The following SAMD5 variants were observed in gnomAD, a reference collection of about 807,000 sequenced individuals.
SAMD5 encodes sterile alpha motif domain containing 5.
SAMD5 carries 13 observed loss-of-function variants against 11.3 expected under a neutral mutation model. The observed-to-expected ratio is 1.15, with a 90% confidence interval of 0.75 to 1.83. The LOEUF is 1.83. Ranked by LOEUF, SAMD5 falls within the 40% of genes most tolerant of loss-of-function variation. The probability of loss-of-function intolerance (pLI) is 0.00; values close to 1 mark genes in which losing one functional copy is unlikely to be tolerated. For missense variants in SAMD5, 255 were observed against 239.1 expected, an observed-to-expected ratio of 1.07 and a Z score of -0.44; for synonymous variants, 129 against 111.3, an observed-to-expected ratio of 1.16 and a Z score of -1.00.
intron 1 of SAMD5, among the ~76,000 whole-genome samples, chr6:147,693,430 T>C (rs1033343876): frequency 6.6e-6 from 1 of 152,222 alleles, no homozygotes; most frequent in Non-Finnish European, 1.5e-5. Flanking sequence ...TAAGGCCGTA[T>C]GCTGCAGAGC....
chr6:147,582,935 T>A (rs1490669386), intron 1 of SAMD5, among the ~76,000 whole-genome samples: 1 of 152,188 alleles, frequency 6.6e-6, no homozygotes, highest in Non-Finnish European at 1.5e-5. Flanking sequence ...ACGTGACCTT[T>A]GCAGGTCCTA....
chr6:147,756,450 C>T, the SAMD5 span, among the ~76,000 whole-genome samples: 4 of 152,118 alleles, frequency 2.6e-5, no homozygotes, highest in South Asian at 2.1e-4. Context: ...ATTTTAAAAA[C>T]GTTTAAAAAG....
the SAMD5 span, among the ~76,000 whole-genome samples, chr6:147,795,527 C>T: frequency 1.6e-4 from 24 of 150,292 alleles, no homozygotes; most frequent in South Asian, 2.1e-4. Flanking sequence ...AATAAACATA[C>T]GTGTGCATGT....
chr6:147,594,085 C>T (rs141983371), intron 1 of SAMD5, among the ~76,000 whole-genome samples: 36 of 151,914 alleles, frequency 2.4e-4, no homozygotes, highest in African/African-American at 8.4e-4. Context: ...GCTGAGATCG[C>T]GCCACTGCAC....
At chr6:147,746,985 A>G in the SAMD5 span, among the ~76,000 whole-genome samples, 1 of 152,204 alleles carries the variant, frequency 6.6e-6, no homozygotes, top group East Asian at 1.9e-4. Context: ...ACCCGTGAGG[A>G]CCATGTTCAG....
At chr6:147,907,292 T>C in the SAMD5 span, among the ~76,000 whole-genome samples, 1 of 152,172 alleles carries the variant, frequency 6.6e-6, no homozygotes, top group Non-Finnish European at 1.5e-5. Flanking sequence ...TGTGACAAAA[T>C]CACACAGCAA....
At chr6:147,652,827 T>C (rs1790510166) in intron 1 of SAMD5, among the ~76,000 whole-genome samples, 1 of 152,220 alleles carries the variant, frequency 6.6e-6, no homozygotes, top group Non-Finnish European at 1.5e-5. Context: ...TCAGCATTAA[T>C]GTACTATTTA....
chr6:147,610,869 G>T (rs1050985073), intron 1 of SAMD5, among the ~76,000 whole-genome samples: 3 of 113,498 alleles, frequency 2.6e-5, no homozygotes, highest in Non-Finnish European at 5.3e-5. Flanking sequence ...ATAAAAGCCA[G>T]AATTTTTTTT....
In SAMD5 at chr6:147,734,711, T is replaced by TAAAAA. The variant is rs61482319; in HGVS notation, c.163-2579_163-2575dup. On this transcript the variant is annotated intron_variant, in intron 1 of 1. Transcript: ENST00000566741. The stretch of plus-strand genomic sequence containing the variant: ...CTGGGCGGCAGAGCGAGACTCCATC[T>TAAAAA]AAAAAAAAAAAAAAAAAAAAAAAAA... Among the ~76,000 whole-genome samples, 146 of 26,120 alleles carry TAAAAA rather than the reference T, an allele frequency of 5.6e-3. 22 individuals carry two copies. The highest frequency in any genetic ancestry group is 9.0e-3 in the Non-Finnish European group (95 of 10,614). 17.1% of individuals were successfully genotyped at this position (26,120 alleles called of 152,430 possible).
At chr6:147,745,427 G>C in the SAMD5 span, among the ~76,000 whole-genome samples, 1 of 152,210 alleles carries the variant, frequency 6.6e-6, no homozygotes, top group Admixed American at 6.5e-5. Context: ...GAGTGCTTTA[G>C]ATGAATTGTC....
the SAMD5 span, among the ~76,000 whole-genome samples, chr6:147,823,877 T>C: frequency 6.6e-6 from 1 of 152,248 alleles, no homozygotes; most frequent in South Asian, 2.1e-4. Flanking sequence ...GTATACTTTT[T>C]ACATACCTCA....
intron 1 of SAMD5, among the ~76,000 whole-genome samples, chr6:147,643,068 T>C (rs1419367164): frequency 3.3e-5 from 5 of 152,230 alleles, no homozygotes; most frequent in African/African-American, 1.2e-4. Flanking sequence ...TGGTGAGGAA[T>C]ACTTCAGCTG....
chr6:147,793,841 A>G, the SAMD5 span, among the ~76,000 whole-genome samples: 1 of 152,174 alleles, frequency 6.6e-6, no homozygotes, highest in South Asian at 2.1e-4. Flanking sequence ...AAATCTTGAA[A>G]TTGGATAGTG....
chr6:147,883,088 A>T, the SAMD5 span, among the ~76,000 whole-genome samples: 1 of 152,136 alleles, frequency 6.6e-6, no homozygotes, highest in Non-Finnish European at 1.5e-5. Context: ...TTACATGTAA[A>T]TGTTTTTACT....
At chr6:147,916,597 G>A in the SAMD5 span, among the ~76,000 whole-genome samples, 1 of 152,058 alleles carries the variant, frequency 6.6e-6, no homozygotes, top group South Asian at 2.1e-4. Context: ...GGGTACATGT[G>A]TACAATGTGC....
the SAMD5 span, among the ~76,000 whole-genome samples, chr6:147,797,155 A>C: frequency 4.1e-5 from 5 of 121,208 alleles, no homozygotes; most frequent in African/African-American, 1.5e-4. Flanking sequence ...CAGTTTTCAA[A>C]GGGAATGCTT....
chr6:147,562,773 G>T lies in SAMD5; in HGVS notation c.460-1621G>T, dbSNP rs573983949. ...GGAGGCGGAGCTTGCAGTGAGCCGAGATCGCACCACTGCACTCCAGCCTGG... is the reference window on the plus strand; with the variant it reads ...GGAGGCGGAGCTTGCAGTGAGCCGATATCGCACCACTGCACTCCAGCCTGG... On this transcript the variant is annotated intron_variant, in intron 1 of 1. Transcript: ENST00000367474. 1.5e-3 allele frequency among the ~76,000 whole-genome samples: 229 copies of T among 151,918 alleles called. 3 individuals are homozygous for T. The highest frequency in any genetic ancestry group is 5.2e-3 in the African/African-American group (216 of 41,396).
chr6:147,824,368 C>T, the SAMD5 span, among the ~76,000 whole-genome samples: 3 of 152,050 alleles, frequency 2.0e-5, no homozygotes, highest in African/African-American at 4.8e-5. Flanking sequence ...TGTTTTTAAA[C>T]GATGAGTTCA....
chr6:147,932,534 A>C, the SAMD5 span, among the ~76,000 whole-genome samples: 1 of 149,584 alleles, frequency 6.7e-6, no homozygotes, highest in East Asian at 2.0e-4. Context: ...TGTCTTCCCA[A>C]CTCTTACCCT....
Sources: gnomAD v4.1 joint callset for allele counts (sites outside exome capture counted in the v4.1 genomes callset) on GRCh38, gnomAD v4.1.1 for gene constraint, MANE v1.5 for transcripts, NCBI Gene and HGNC (gene_info 2026-07-23, HGNC 2026-07-21) for gene names.